The following DNM2 variants were observed in gnomAD, a reference collection of about 807,000 sequenced individuals.
DNM2 encodes the protein dynamin 2, also known as dynamin-2.
Under a neutral mutation model 99.0 loss-of-function variants are expected in DNM2, and 15 were observed. The observed-to-expected ratio is 0.15, with a 90% CI of 0.10 to 0.23. DNM2 has a LOEUF of 0.23. Ranked by LOEUF, DNM2 falls within the 10% of genes least tolerant of loss-of-function variation. The probability of loss-of-function intolerance (pLI) is 1.00; values close to 1 mark genes in which losing one functional copy is unlikely to be tolerated. For synonymous variants in DNM2, 525 were observed against 481.2 expected (o/e 1.09, Z -1.19); for missense variants, 742 against 1,189.4 (o/e 0.62, Z 5.53).
At chr19:10,719,108 C>T (rs954431288) in intron 1 of DNM2, among the ~76,000 whole-genome samples, 6 of 152,200 alleles carry the variant, frequency 3.9e-5, no homozygotes, top group African/African-American at 1.4e-4. Flanking sequence ...CTGACTCTTA[C>T]AGCTTGATTC....
chr19:10,773,200 T>G (rs992917232), intron 3 of DNM2, among the ~76,000 whole-genome samples: 2 of 145,608 alleles, frequency 1.4e-5, no homozygotes, highest in African/African-American at 5.1e-5. Context: ...CAGACTGGAG[T>G]ACAGTGGTGT....
intron 2 of DNM2, among the ~76,000 whole-genome samples, chr19:10,762,128 C>T (rs915963344): frequency 5.9e-5 from 9 of 152,148 alleles, no homozygotes; most frequent in African/African-American, 9.6e-5. Context: ...CTGCCACCTC[C>T]GCCTTCCAAG....
intron 2 of DNM2, among the ~76,000 whole-genome samples, chr19:10,762,868 A>G (rs1403337437): frequency 6.7e-6 from 1 of 148,990 alleles, no homozygotes; most frequent in Non-Finnish European, 1.5e-5. Context: ...AGGAGGCAGG[A>G]GTAGGTGCTG....
chr19:10,775,592 T>C lies in DNM2; in HGVS notation c.386-111T>C. 8.2e-7 allele frequency: 1 copy of C among 1,223,174 alleles called. No homozygotes were observed. The highest frequency in any genetic ancestry group is 1.2e-6 in the Non-Finnish European group (1 of 829,868). The allele number at this position is 1,223,174 out of a possible 1,614,324, so 75.8% of individuals were successfully genotyped here. On this transcript the variant is annotated intron_variant, in intron 3 of 20. Transcript: ENST00000389253. The surrounding 1 kb of genome is among the most constrained non-coding windows in gnomAD (Gnocchi z 4.3). The stretch of plus-strand genomic sequence containing the variant: ...TCAGGCAGAGTGTCAGGCGACATCC[T>C]CAAGTCTGAGCCCCGCGCAGGAACT...
At chr19:10,749,640 G>T (rs1402827329) in intron 1 of DNM2, among the ~76,000 whole-genome samples, 1 of 152,238 alleles carries the variant, frequency 6.6e-6, no homozygotes, top group Non-Finnish European at 1.5e-5. Context: ...GCTCGACTTT[G>T]AACCCAGGCT....
chr19:10,721,251 T>C (rs2068929871), intron 1 of DNM2, among the ~76,000 whole-genome samples: 1 of 152,022 alleles, frequency 6.6e-6, no homozygotes, highest in African/African-American at 2.4e-5. Flanking sequence ...CCACCTCCCA[T>C]GTTCAAGCGA....
intron 13 of DNM2, 123 bp downstream of exon 13, chr19:10,806,090 C>A: frequency 8.2e-7 from 1 of 1,221,772 alleles, no homozygotes; most frequent in Non-Finnish European, 1.2e-6. Flanking sequence ...CAGTACCAGG[C>A]CATCTGCTCT....
chr19:10,829,673 G>A (rs762514880), intron 19 of DNM2, among the ~76,000 whole-genome samples: 4 of 152,162 alleles, frequency 2.6e-5, no homozygotes, highest in Non-Finnish European at 5.9e-5. Context: ...CCCCTGAGTT[G>A]TCCATTGAGG....
intron 5 of DNM2, 22 bp from the exon 6 acceptor site, chr19:10,782,933 CCCTGA>C: frequency 6.2e-7 from 1 of 1,613,890 alleles, no homozygotes; most frequent in Non-Finnish European, 8.5e-7. Context: ...CTAGCTTTGC[CCCTGA>C]CCTGACTGCC....
At position 10,830,518 on chromosome 19, in the gene DNM2, G is replaced by T. The variant is rs190422103; in HGVS notation, c.2543+140G>T. On this transcript the variant is annotated intron_variant, in intron 20 of 20. Transcript: ENST00000389253. This position sits in a 1 kb window ranked among gnomAD's most constrained non-coding sequence, Gnocchi z 4.8. ...TCGTCCTCATCCCTATTTGGCTTGC[G>T]AGGAAACAGGCCCAGAGAGGCCAAG... 1,705 of 1,052,024 alleles carry T rather than the reference G, an allele frequency of 1.6e-3. 24 individuals are homozygous for T. Among genetic ancestry groups the T allele is most frequent in the Non-Finnish European group, 2.4e-4 (179 of 734,302 alleles). The allele number at this position is 1,052,024 out of a possible 1,614,324, so 65.2% of individuals were successfully genotyped here.
At chr19:10,726,819 C>T (rs1271967655) in intron 1 of DNM2, among the ~76,000 whole-genome samples, 2 of 151,940 alleles carry the variant, frequency 1.3e-5, no homozygotes, top group Non-Finnish European at 2.9e-5. Flanking sequence ...GCCGAGATTG[C>T]GCCGCTGCAC....
At chr19:10,747,525 G>A (rs1028742615) in intron 1 of DNM2, among the ~76,000 whole-genome samples, 1 of 152,202 alleles carries the variant, frequency 6.6e-6, no homozygotes, top group African/African-American at 2.4e-5. Context: ...ATCAGGGAGG[G>A]GCTGCTGGGC....
At chr19:10,789,942 G>C (rs968759969) in intron 7 of DNM2, among the ~76,000 whole-genome samples, 6 of 152,256 alleles carry the variant, frequency 3.9e-5, no homozygotes, top group Non-Finnish European at 7.3e-5. Flanking sequence ...CTGTCCCCCG[G>C]GGCTTAGCAC....
chr19:10,795,698 G>A lies in DNM2; in HGVS notation c.1196+259G>A. On this transcript the variant is annotated intron_variant, in intron 9 of 20. Coordinates refer to ENST00000389253, the MANE Select transcript of DNM2 (RefSeq NM_001005361.3). This position sits in a 1 kb window ranked among gnomAD's most constrained non-coding sequence, Gnocchi z 4.2. ...ATAGGGCTTAGTTCCTGCCCAGTCG[G>A]TTGGTGTGAACCTCATGCTAAACTA... 1.7e-6 allele frequency: 1 copy of A among 587,438 alleles called. No homozygotes were observed. Among genetic ancestry groups the A allele is most frequent in the Non-Finnish European group, 3.0e-6 (1 of 330,300 alleles). 36.4% of individuals were successfully genotyped at this position (587,438 alleles called of 1,614,324 possible).
chr19:10,750,257 T>C (rs2070146098), intron 1 of DNM2, among the ~76,000 whole-genome samples: 1 of 151,938 alleles, frequency 6.6e-6, no homozygotes, highest in South Asian at 2.1e-4. Context: ...TGCGGGAAGA[T>C]TGCATGAGGC....
chr19:10,721,557 T>C (rs1363023920), intron 1 of DNM2, among the ~76,000 whole-genome samples: 9 of 151,760 alleles, frequency 5.9e-5, no homozygotes, highest in Non-Finnish European at 1.0e-4. Context: ...TTTGGGGGGG[T>C]GTAAGAGATA....
At chr19:10,718,467 A>G (rs2068825040) in intron 1 of DNM2, 64 bp downstream of exon 1, 2 of 1,301,754 alleles carry the variant, frequency 1.5e-6, no homozygotes, top group Non-Finnish European at 1.9e-6. Context: ...CGGACCGGGA[A>G]TGGCGCGCCG....
At position 10,825,039 on chromosome 19, in the gene DNM2, C is replaced by T. The variant is rs745700950; in HGVS notation, c.1894-18C>T. 2 of 1,613,838 alleles carry T rather than the reference C, an allele frequency of 1.2e-6. No individual in the cohort carries two copies. The highest frequency in any genetic ancestry group is 8.5e-7 in the Non-Finnish European group (1 of 1,179,938). On this transcript the variant is annotated intron_variant, in intron 17 of 20. Coordinates refer to ENST00000389253, the MANE Select transcript of DNM2 (RefSeq NM_001005361.3). ...CCAGGCCACAGTCACCCCTCAGCAC[C>T]TCCCCTCCCGCTTGCAGGCAGAAAA... is the stretch of plus-strand genomic sequence containing the variant.
Position 10,812,702 on chromosome 19 carries a change from G to T in DNM2, c.1671+325G>T, listed in dbSNP as rs147796686. On this transcript the variant is annotated intron_variant, in intron 15 of 20. Coordinates refer to ENST00000389253, the MANE Select transcript of DNM2 (RefSeq NM_001005361.3). This position sits in a 1 kb window ranked among gnomAD's most constrained non-coding sequence, Gnocchi z 4.0. ...CTCAGGAGGCTGAGGCAGGAGAATC[G>T]TTTGAACCCGGGAGGCGGAGGTTGC... 0.016 allele frequency among the ~76,000 whole-genome samples: 2,403 copies of T among 152,250 alleles called. 34 individuals are homozygous for T. The highest frequency in any genetic ancestry group is 0.02 in the South Asian group (95 of 4,824).
Sources: gnomAD v4.1 joint callset for allele counts (sites outside exome capture counted in the v4.1 genomes callset) on GRCh38, gnomAD v4.1.1 for gene constraint, Gnocchi (gnomAD v3.1) non-coding constraint, MANE v1.5 for transcripts, NCBI Gene and HGNC (gene_info 2026-07-23, HGNC 2026-07-21) for gene names.